Variants in UMODL1 observed in about 807,000 individuals in gnomAD.
The protein encoded by UMODL1 is uromodulin-like 1.
A neutral mutation model predicts 136.3 loss-of-function variants in UMODL1; 128 were observed. The ratio of observed to expected loss-of-function variants is 0.94; its 90% CI spans 0.81 to 1.09. The LOEUF (loss-of-function observed/expected upper bound fraction) is 1.09. UMODL1 is among the 50% of genes least tolerant of loss of function. UMODL1 has a pLI of 0.00. For missense variants in UMODL1, 1,766 were observed against 1,725.6 expected (o/e 1.02, Z -0.41); for synonymous variants, 721 against 720.0 (o/e 1.00, Z -0.02).
rs1051221022 is a variant in UMODL1 at position 42,099,590 on chromosome 21, C to T, written c.1186+410C>T. Reference sequence around the variant, plus strand: ...ACTGAGGCCGTCTAAGTTCCCTCCCCGAGAGGGGAGCATCGCTGACGTTTT... The same window carrying T: ...ACTGAGGCCGTCTAAGTTCCCTCCCTGAGAGGGGAGCATCGCTGACGTTTT... On this transcript the variant is annotated intron_variant, in intron 7 of 22. Transcript: ENST00000408910. This position sits in a 1 kb window ranked among gnomAD's most constrained non-coding sequence, Gnocchi z 4.1. 3.9e-5 allele frequency among the ~76,000 whole-genome samples: 6 copies of T among 152,208 alleles called. No individual in the cohort carries two copies. Among genetic ancestry groups the T allele is most frequent in the African/African-American group, 1.2e-4 (5 of 41,456 alleles).
At chr21:42,131,741 AC>A (rs2067137465) in intron 21 of UMODL1, among the ~76,000 whole-genome samples, 1 of 149,820 alleles carries the variant, frequency 6.7e-6, no homozygotes, top group Non-Finnish European at 1.5e-5. Context: ...CCCAGGCCAC[AC>A]CCCAGGCCTA....
intron 14 of UMODL1, among the ~76,000 whole-genome samples, chr21:42,118,602 G>A (rs891925923): frequency 3.3e-5 from 5 of 152,162 alleles, no homozygotes; most frequent in Admixed American, 3.3e-4. Flanking sequence ...ATGCTCACAG[G>A]AAGCAGTCTG....
chr21:42,115,963 T>C lies in UMODL1; in HGVS notation c.2453T>C (p.Phe818Ser). ...RNASSQEYRDFLELFFRMVRG... is the reference protein window; with the variant it reads ...RNASSQEYRDSLELFFRMVRG... Reference sequence around the variant, plus strand: ...GCAAGCAGCCAGGAGTATCGAGATTTCCTAGAACTATTCTTCAGGATGGTG... The same window carrying C: ...GCAAGCAGCCAGGAGTATCGAGATTCCCTAGAACTATTCTTCAGGATGGTG... Residue 818 changes from phenylalanine to serine, a missense_variant, in exon 14 of 23, where the codon TTC (phenylalanine) becomes TCC (serine). Coordinates refer to ENST00000408910, the MANE Select transcript of UMODL1 (RefSeq NM_001004416.3). 6.2e-7 allele frequency: 1 copy of C among 1,613,686 alleles called. No individual in the cohort carries two copies. The highest frequency in any genetic ancestry group is 8.5e-7 in the Non-Finnish European group (1 of 1,179,800).
chr21:42,082,281 G>T (rs1320196451), intron 2 of UMODL1, among the ~76,000 whole-genome samples: 1 of 152,162 alleles, frequency 6.6e-6, no homozygotes, highest in Non-Finnish European at 1.5e-5. Context: ...GAACTTGGGG[G>T]ACCCGAGAGG....
In UMODL1 at chr21:42,123,118, G is replaced by A. The variant is rs536557318; in HGVS notation, c.3115G>A (p.Gly1039Ser). ...TGGCACACACGTGCTCCTGGAGGCC[G>A]GCTGGAGCGAGTGTGGGACCCTCAT... ...SNGTHVLLEA[G>S]WSECGTLMQS... is the part of the protein sequence containing the mutation. Residue 1039 changes from glycine to serine, a missense_variant, in exon 17 of 23, where the codon GGC becomes AGC. Transcript: ENST00000408910. This position sits in a 1 kb window ranked among gnomAD's most constrained non-coding sequence, Gnocchi z 4.4. 16 of 1,613,810 alleles carry A rather than the reference G, an allele frequency of 9.9e-6. No homozygotes were observed. The highest frequency in any genetic ancestry group is 6.7e-5 in the African/African-American group (5 of 75,046).
At chr21:42,072,064 C>CAAAA (rs1346529834) in intron 1 of UMODL1, among the ~76,000 whole-genome samples, 4 of 150,972 alleles carry the variant, frequency 2.6e-5, no homozygotes, top group East Asian at 1.9e-4. Flanking sequence ...AACAAACAAA[C>CAAAA]AAAAAAAGCC....
At chr21:42,090,223 GT>G in intron 5 of UMODL1, 74 bp from the exon 6 acceptor site, 2 of 1,591,502 alleles carry the variant, frequency 1.3e-6, no homozygotes, top group Non-Finnish European at 1.7e-6. Flanking sequence ...CACAGAGGCC[GT>G]GTGTGTGCAG....
chr21:42,090,120 AG>A (rs1235040641), intron 5 of UMODL1, among the ~76,000 whole-genome samples, 177 bp from the exon 6 acceptor site: 1 of 152,216 alleles, frequency 6.6e-6, no homozygotes, highest in Non-Finnish European at 1.5e-5. Flanking sequence ...GCAGCCGCAC[AG>A]GGCCTTCTAA....
chr21:42,073,253 G>A (rs148532401), intron 1 of UMODL1, among the ~76,000 whole-genome samples: 139 of 152,312 alleles, frequency 9.1e-4, no homozygotes, highest in African/African-American at 3.1e-3. Context: ...TGCCTAGCTC[G>A]GCGTGGTCAC....
chr21:42,086,412 G>C, intron 4 of UMODL1: 1 of 403,302 alleles, frequency 2.5e-6, no homozygotes, highest in Non-Finnish European at 5.1e-6. Context: ...TGGCAGCCCA[G>C]ATCAGATGGT....
chr21:42,129,505 C>T (rs1199077842), intron 20 of UMODL1, among the ~76,000 whole-genome samples: 7 of 152,184 alleles, frequency 4.6e-5, no homozygotes, highest in Non-Finnish European at 5.9e-5. Context: ...TCCCCGCTGA[C>T]GCCTGGGCCT....
At chr21:42,109,833 A>G in intron 10 of UMODL1, 134 bp downstream of exon 10, 1 of 937,098 alleles carries the variant, frequency 1.1e-6, no homozygotes, top group Non-Finnish European at 1.5e-6. Context: ...AAATGTTTTC[A>G]TTTCAATTTA....
At chr21:42,139,723 T>G (rs1359076631) in intron 22 of UMODL1, among the ~76,000 whole-genome samples, 1 of 152,116 alleles carries the variant, frequency 6.6e-6, no homozygotes, top group Admixed American at 6.5e-5. Context: ...ATTCGCATCT[T>G]AAATATTAAG....
intron 2 of UMODL1, among the ~76,000 whole-genome samples, chr21:42,082,251 G>A (rs1014069961): frequency 2.0e-5 from 3 of 152,282 alleles, no homozygotes; most frequent in East Asian, 1.9e-4. Context: ...CTCTTTCTTC[G>A]TTGCAGAGTG....
In UMODL1 at chr21:42,122,695, G is replaced by C. The variant is rs1362474054; in HGVS notation, c.2828-136G>C. On this transcript the variant is annotated intron_variant, in intron 16 of 22. Transcript: ENST00000408910. The surrounding 1 kb of genome is among the most constrained non-coding windows in gnomAD (Gnocchi z 4.3). ...TGTGTGTGTGTGCACGTGTGTAGTT[G>C]TGGCTGGAACATGCGGTTCCCAGGT... 1.8e-5 allele frequency: 14 copies of C among 779,746 alleles called. No homozygotes were observed. Among genetic ancestry groups the C allele is most frequent in the Middle Eastern group, 7.5e-4 (2 of 2,670 alleles). The allele number at this position is 779,746 out of a possible 1,614,324, so 48.3% of individuals were successfully genotyped here.
intron 13 of UMODL1, among the ~76,000 whole-genome samples, chr21:42,115,127 T>C (rs1176292911): frequency 6.6e-6 from 1 of 152,240 alleles, no homozygotes; most frequent in Non-Finnish European, 1.5e-5. Flanking sequence ...GGGAGAGCTG[T>C]GTCTTTCTCC....
chr21:42,106,463 G>C (rs1389647158), intron 9 of UMODL1, among the ~76,000 whole-genome samples: 1 of 152,222 alleles, frequency 6.6e-6, no homozygotes, highest in African/African-American at 2.4e-5. Context: ...CTCCCTGCCG[G>C]TGCGTCCACA....
intron 20 of UMODL1, 78 bp from the exon 21 acceptor site, chr21:42,129,635 C>A: frequency 7.6e-7 from 1 of 1,312,534 alleles, no homozygotes; most frequent in Admixed American, 2.3e-5. Flanking sequence ...ATCACATTAG[C>A]ATCCTTGATA....
In UMODL1 at chr21:42,121,265, T is replaced by G. The variant is rs776319110; in HGVS notation, c.2827+41T>G. ...TTTCTTCTTCTGGAATACTGTATCA[T>G]AATCGGTTTTTTTTAAGGACATTCA... On this transcript the variant is annotated intron_variant, in intron 16 of 22. Transcript: ENST00000408910. The G allele has an allele frequency of 1.9e-6, 3 of 1,573,360 alleles. No individual in the cohort carries two copies. The Admixed American group carries it at 5.6e-5, about 29-fold the overall frequency.
Sources: gnomAD v4.1 joint callset for allele counts (sites outside exome capture counted in the v4.1 genomes callset) on GRCh38, gnomAD v4.1.1 for gene constraint, Gnocchi (gnomAD v3.1) non-coding constraint, MANE v1.5 for transcripts, NCBI Gene and HGNC (gene_info 2026-07-23, HGNC 2026-07-21) for gene names.